The following C8orf34 variants were observed in gnomAD, a reference collection of about 807,000 sequenced individuals.
C8orf34 encodes the protein chromosome 8 open reading frame 34.
Under a neutral mutation model 68.3 loss-of-function variants are expected in C8orf34, and 65 were observed. The observed-to-expected ratio is 0.95, with a 90% CI of 0.78 to 1.17. The LOEUF is 1.17. Ranked by LOEUF, C8orf34 falls within the 50% of genes most tolerant of loss-of-function variation. C8orf34 has a pLI of 0.00. For synonymous variants in C8orf34, 244 were observed against 241.2 expected (o/e 1.01, Z -0.11); for missense variants, 664 against 655.4 (o/e 1.01, Z -0.14).
At chr8:68,816,902 CT>C (rs1236298074) in intron 13 of C8orf34, among the ~76,000 whole-genome samples, 4 of 152,046 alleles carry the variant, frequency 2.6e-5, no homozygotes, top group Admixed American at 2.6e-4. Flanking sequence ...TATTAGAAAG[CT>C]ATGAATCCAT....
intron 9 of C8orf34, among the ~76,000 whole-genome samples, chr8:68,719,532 T>C (rs12544468): frequency 0.095 from 14,377 of 152,014 alleles, 887 homozygotes; most frequent in Middle Eastern, 0.18. Flanking sequence ...ATATTCAACT[T>C]ATTTTAAAAG....
rs1014802912 is a variant in C8orf34, at chr8:68,549,852, C to T, written c.1105+16703C>T. ...TCAACTCCTTTATTGTTCTAAGCCC[C>T]TCTTTTATCCCTGATAGTTTTTGTT... On this transcript the variant is annotated intron_variant, in intron 7 of 13. Transcript: ENST00000518698. Among the ~76,000 whole-genome samples, 23 of 151,792 alleles carry T rather than the reference C, an allele frequency of 1.5e-4. No homozygotes were observed. The East Asian group carries it at 3.9e-3, about 26-fold the overall frequency.
chr8:68,792,649 AAAGT>A (rs1824043688), intron 12 of C8orf34: 1 of 151,248 alleles, frequency 6.6e-6, no homozygotes, highest in African/African-American at 2.4e-5. Flanking sequence ...AAAGAATTCT[AAAGT>A]AAGGAAAAAG....
chr8:68,466,744 T>TATATAG (rs1221610535), intron 3 of C8orf34, among the ~76,000 whole-genome samples: 9 of 45,162 alleles, frequency 2.0e-4, no homozygotes, highest in Middle Eastern at 0.01. Flanking sequence ...TGTACATATA[T>TATATAG]ATATATATAT....
intron 1 of C8orf34, 194 bp downstream of exon 1, chr8:68,331,533 C>G (rs1312043442): frequency 7.6e-6 from 5 of 658,022 alleles, no homozygotes; most frequent in Admixed American, 2.3e-5. Context: ...CGGGCGGGCA[C>G]TTAGCCAGTT....
chr8:68,622,660 T>A (rs1818421866), intron 7 of C8orf34, among the ~76,000 whole-genome samples: 1 of 152,164 alleles, frequency 6.6e-6, no homozygotes, highest in African/African-American at 2.4e-5. Flanking sequence ...TTGTTAGTCA[T>A]GGTATTTAGT....
At chr8:68,501,958 CAAAA>C (rs369584387) in intron 5 of C8orf34, among the ~76,000 whole-genome samples, 2 of 150,666 alleles carry the variant, frequency 1.3e-5, no homozygotes, top group African/African-American at 4.9e-5. Context: ...TTTGACATTT[CAAAA>C]AAAAAGATAT....
intron 12 of C8orf34, among the ~76,000 whole-genome samples, chr8:68,813,912 A>G (rs563786983): frequency 6.6e-6 from 1 of 152,266 alleles, no homozygotes; most frequent in African/African-American, 2.4e-5. Context: ...AAATCTAGTT[A>G]TTCTCATAGG....
At chr8:68,642,820 G>C (rs1819051862) in intron 8 of C8orf34, among the ~76,000 whole-genome samples, 1 of 152,178 alleles carries the variant, frequency 6.6e-6, no homozygotes, top group Non-Finnish European at 1.5e-5. Context: ...TTTTTCCATG[G>C]ATGGTTGATA....
chr8:68,472,223 G>T (rs1812410431), intron 4 of C8orf34, among the ~76,000 whole-genome samples: 1 of 152,096 alleles, frequency 6.6e-6, no homozygotes, highest in Admixed American at 6.6e-5. Context: ...GGTTTTTGGT[G>T]CCTTGAGCCC....
At chr8:68,357,680 A>G (rs1435239991) in intron 1 of C8orf34, among the ~76,000 whole-genome samples, 1 of 152,244 alleles carries the variant, frequency 6.6e-6, no homozygotes, top group African/African-American at 2.4e-5. Context: ...TGAGTTGTAC[A>G]GTGGAGCGAT....
At chr8:68,462,879 GA>G (rs1811911261) in intron 3 of C8orf34, among the ~76,000 whole-genome samples, 1 of 152,058 alleles carries the variant, frequency 6.6e-6, no homozygotes, top group South Asian at 2.1e-4. Context: ...ACAATTAAAA[GA>G]ACTAGAAAAG....
chr8:68,656,204 T>C (rs560671648), intron 8 of C8orf34, among the ~76,000 whole-genome samples: 1 of 152,292 alleles, frequency 6.6e-6, no homozygotes, highest in South Asian at 2.1e-4. Context: ...ACCCCCTTAA[T>C]TGATAATTTT....
intron 10 of C8orf34, among the ~76,000 whole-genome samples, chr8:68,762,028 G>A (rs909027139): frequency 6.6e-6 from 1 of 152,162 alleles, no homozygotes; most frequent in African/African-American, 2.4e-5. Flanking sequence ...TATAAAAGTG[G>A]CCAACACTGC....
chr8:68,550,945 C>T (rs1473594011), intron 7 of C8orf34, among the ~76,000 whole-genome samples: 1 of 149,914 alleles, frequency 6.7e-6, no homozygotes, highest in Non-Finnish European at 1.5e-5. Context: ...AAAGTTTCTT[C>T]ATCTTCAATT....
intron 1 of C8orf34, among the ~76,000 whole-genome samples, chr8:68,388,275 A>T (rs1458269425): frequency 5.9e-5 from 9 of 152,130 alleles, no homozygotes; most frequent in Admixed American, 1.3e-4. Context: ...TGGCAAACTC[A>T]GTCCTTAAGC....
chr8:68,776,438 T>C lies in C8orf34; in HGVS notation c.1444T>C (p.Tyr482His). 3 of 1,613,002 alleles carry C rather than the reference T, an allele frequency of 1.9e-6. No individual in the cohort carries two copies. Among genetic ancestry groups the C allele is most frequent in the Non-Finnish European group, 2.5e-6 (3 of 1,179,124 alleles). The change falls in exon 11 of 14, where the codon TAC becomes CAC. Residue 482 changes from tyrosine to histidine, a missense_variant. Coordinates refer to ENST00000518698, the MANE Select transcript of C8orf34 (RefSeq NM_052958.4). Reference sequence around the variant, plus strand: ...TGGAGTAGGACACTCACTGAAAAACTACATGGAAGAAGTGAGTTTTAAGGT... The same window carrying C: ...TGGAGTAGGACACTCACTGAAAAACCACATGGAAGAAGTGAGTTTTAAGGT... ...SSGVGHSLKN[Y>H]MEEDESLKQL...
At chr8:68,772,712 T>C (rs1329682525) in intron 10 of C8orf34, among the ~76,000 whole-genome samples, 5 of 141,126 alleles carry the variant, frequency 3.5e-5, no homozygotes, top group African/African-American at 1.3e-4. Context: ...CCTCTCTTTC[T>C]TTCTTTCTTT....
At chr8:68,410,223 T>C (rs990422007) in intron 1 of C8orf34, among the ~76,000 whole-genome samples, 1 of 152,074 alleles carries the variant, frequency 6.6e-6, no homozygotes, top group Non-Finnish European at 1.5e-5. Context: ...GAAAGCTGGG[T>C]GAGTTGGGTA....
Sources: gnomAD v4.1 joint callset for allele counts (sites outside exome capture counted in the v4.1 genomes callset) on GRCh38, gnomAD v4.1.1 for gene constraint, MANE v1.5 for transcripts, NCBI Gene and HGNC (gene_info 2026-07-23, HGNC 2026-07-21) for gene names.